The following TSPAN7 variants were observed in gnomAD, a reference collection of about 807,000 sequenced individuals.
TSPAN7 encodes the protein tetraspanin 7.
TSPAN7 carries 1 observed loss-of-function variant against 17.6 expected under a neutral mutation model. That is an observed-to-expected ratio of 0.06 (90% CI 0.02 to 0.27). TSPAN7 has a LOEUF of 0.27. TSPAN7 is among the 10% of genes least tolerant of loss of function. TSPAN7 has a pLI of 1.00. For synonymous variants in TSPAN7, 78 were observed against 79.0 expected (o/e 0.99, Z 0.07); for missense variants, 112 against 201.7 (o/e 0.56, Z 2.69).
At chrX:38,566,191 A>G (rs925827525) in intron 1 of TSPAN7, 1 of 257,998 alleles carries the variant, frequency 3.9e-6, no homozygotes, top group Non-Finnish European at 6.2e-6. Context: ...ATTTGAAGAC[A>G]AAAGGTAGGT....
intron 2 of TSPAN7, among the ~76,000 whole-genome samples, chrX:38,668,727 A>T (rs935366039): frequency 8.9e-6 from 1 of 111,866 alleles, no homozygotes; most frequent in African/African-American, 3.3e-5. Flanking sequence ...TAGTGCTGCA[A>T]TATACATGGG....
rs549076766 is a variant in TSPAN7, at chrX:38,681,275, C to A, written c.669C>A (p.Ile223=). The A allele has an allele frequency of 1.7e-6, 2 of 1,204,854 alleles. No homozygotes were observed. The highest frequency in any genetic ancestry group is 3.5e-5 in the African/African-American group (2 of 56,900). The change falls in exon 6 of 8, where the codon ATC becomes ATA. Residue 223 remains isoleucine, a synonymous_variant. Coordinates refer to ENST00000378482, the MANE Select transcript of TSPAN7 (RefSeq NM_004615.4). ...TCATCGCTGGAGTGGCGTTTGGAAT[C>A]GCATTCTCCCAGGTAGCCTACATAA... ...MGIIAGVAFG[I]AFSQLIGMLL... is the part of the protein sequence containing the mutation.
At chrX:38,657,023 T>G (rs772519291) in intron 1 of TSPAN7, among the ~76,000 whole-genome samples, 1 of 112,114 alleles carries the variant, frequency 8.9e-6, no homozygotes, top group East Asian at 2.8e-4. Flanking sequence ...TGGGCCTTTT[T>G]GGGGAATTTA....
rs778486378 is a variant in TSPAN7, at chrX:38,611,133, C to T, written c.81+49506C>T. Among the ~76,000 whole-genome samples the T allele has an allele frequency of 5.3e-5, 6 of 112,265 alleles. No individual in the cohort carries two copies. The South Asian group carries it at 1.1e-3, about 21-fold the overall frequency. On this transcript the variant is annotated intron_variant, in intron 1 of 7. Transcript: ENST00000378482. ...ACTTCTTTCTTTCTTTGACTACACA[C>T]GTAAGGAAAATATTCAGCACATGAG...
At chrX:38,677,862 A>G (rs1201373942) in intron 5 of TSPAN7, among the ~76,000 whole-genome samples, 1 of 112,248 alleles carries the variant, frequency 8.9e-6, no homozygotes, top group Non-Finnish European at 1.9e-5. Context: ...ATGCTCATAA[A>G]TGTTACCCTT....
chrX:38,675,945 A>G (rs2069851189), intron 5 of TSPAN7, 85 bp downstream of exon 5: 1 of 1,072,782 alleles, frequency 9.3e-7, no homozygotes, highest in Non-Finnish European at 1.3e-6. Context: ...TGACAAATAG[A>G]TTTGAAATAG....
At chrX:38,566,586 A>G (rs887214507) in intron 1 of TSPAN7, among the ~76,000 whole-genome samples, 1 of 112,041 alleles carries the variant, frequency 8.9e-6, no homozygotes, top group Non-Finnish European at 1.9e-5. Flanking sequence ...TCCAATAAAT[A>G]TGTGAAAAGA....
chrX:38,571,685 C>T (rs189709940), intron 1 of TSPAN7, among the ~76,000 whole-genome samples: 34 of 110,454 alleles, frequency 3.1e-4, no homozygotes, highest in African/African-American at 9.6e-4. Flanking sequence ...AGATTCTCAG[C>T]CCTATCTCAT....
intron 2 of TSPAN7, among the ~76,000 whole-genome samples, chrX:38,667,553 C>T (rs193092379): frequency 9.0e-6 from 1 of 111,616 alleles, no homozygotes; most frequent in African/African-American, 3.3e-5. Context: ...TCCAAAGGAA[C>T]CATCTTCCCA....
chrX:38,645,854 A>T (rs773729312), intron 1 of TSPAN7, among the ~76,000 whole-genome samples: 1 of 112,032 alleles, frequency 8.9e-6, no homozygotes, highest in South Asian at 3.8e-4. Flanking sequence ...TAAAAATAGC[A>T]ATGGGAAAAT....
chrX:38,562,784 C>A (rs1327158324), intron 1 of TSPAN7, among the ~76,000 whole-genome samples: 1 of 111,526 alleles, frequency 9.0e-6, no homozygotes, highest in Non-Finnish European at 1.9e-5. Flanking sequence ...AGCTACCCCG[C>A]AGGGGAATGA....
chrX:38,645,995 T>A (rs2069643454), intron 1 of TSPAN7, among the ~76,000 whole-genome samples: 1 of 111,562 alleles, frequency 9.0e-6, no homozygotes, highest in African/African-American at 3.3e-5. Flanking sequence ...ATAGGGTTGT[T>A]TTTTGGGTGC....
rs568637056 is a variant in TSPAN7 at position 38,633,278 on chromosome X, G to A, written c.82-32843G>A. Among the ~76,000 whole-genome samples the A allele has an allele frequency of 9.0e-5, 10 of 111,606 alleles. No homozygotes were observed. In the South Asian group the frequency reaches 1.1e-3, roughly 13 times the overall value. ...GCTGATTCTCCTAATTGATTTAGCC[G>A]TCAAGTAGTTGTTGAGCACATACTT... is the stretch of plus-strand genomic sequence containing the variant. On this transcript the variant is annotated intron_variant, in intron 1 of 7. Transcript: ENST00000378482.
chrX:38,671,822 T>G (rs1229857277), intron 3 of TSPAN7, among the ~76,000 whole-genome samples: 1 of 110,824 alleles, frequency 9.0e-6, no homozygotes, highest in Middle Eastern at 4.2e-3. Flanking sequence ...GGCAGGAGGA[T>G]CTCTTGAGGC....
At chrX:38,676,999 C>G (rs1352779135) in intron 5 of TSPAN7, among the ~76,000 whole-genome samples, 1 of 112,119 alleles carries the variant, frequency 8.9e-6, no homozygotes, top group African/African-American at 3.2e-5. Context: ...GCAAGAAGTA[C>G]TCTATGGCAG....
intron 5 of TSPAN7, among the ~76,000 whole-genome samples, chrX:38,679,591 G>C (rs1404399077): frequency 2.7e-5 from 3 of 110,723 alleles, no homozygotes; most frequent in Non-Finnish European, 3.8e-5. Context: ...CCTGAGGTCA[G>C]GAGTTTGAGA....
At chrX:38,608,938 C>G (rs1248390595) in intron 1 of TSPAN7, among the ~76,000 whole-genome samples, 3 of 112,088 alleles carry the variant, frequency 2.7e-5, no homozygotes, top group Non-Finnish European at 5.6e-5. Flanking sequence ...ATATACCACC[C>G]TCTAGGTAAT....
intron 6 of TSPAN7, among the ~76,000 whole-genome samples, chrX:38,685,198 G>T (rs1402797490): frequency 2.7e-5 from 3 of 111,780 alleles, no homozygotes; most frequent in African/African-American, 9.8e-5. Context: ...TCTTAGATAG[G>T]ACAAGAGGGT....
intron 1 of TSPAN7, among the ~76,000 whole-genome samples, chrX:38,619,961 A>G (rs1404172675): frequency 8.9e-6 from 1 of 112,321 alleles, no homozygotes; most frequent in Non-Finnish European, 1.9e-5. Context: ...CCCTAAGACA[A>G]TGGTATCTAT....
Sources: gnomAD v4.1 joint callset for allele counts (sites outside exome capture counted in the v4.1 genomes callset) on GRCh38, gnomAD v4.1.1 for gene constraint, MANE v1.5 for transcripts, NCBI Gene and HGNC (gene_info 2026-07-23, HGNC 2026-07-21) for gene names.